The following TTC28 variants were observed in gnomAD, a reference collection of about 807,000 sequenced individuals.
TTC28 encodes the protein tetratricopeptide repeat domain 28, also known as tetratricopeptide repeat protein 28.
In TTC28, 61 loss-of-function variants were observed where a neutral mutation model predicts 198.0. That is an observed-to-expected ratio of 0.31 (90% CI 0.25 to 0.38). The LOEUF is 0.38. TTC28 is among the 10% of genes least tolerant of loss of function. The pLI, the probability that TTC28 is intolerant of heterozygous loss-of-function variation, is 1.00. For synonymous variants in TTC28, 1,171 were observed against 1,297.8 expected, an observed-to-expected ratio of 0.90 and a Z score of 2.10; for missense variants, 2,678 against 3,164.0, an observed-to-expected ratio of 0.85 and a Z score of 3.69.
At chr22:28,012,283 G>A (rs1450308230) in intron 14 of TTC28, among the ~76,000 whole-genome samples, 1 of 152,192 alleles carries the variant, frequency 6.6e-6, no homozygotes, top group Non-Finnish European at 1.5e-5. Flanking sequence ...ATTAAAAGGA[G>A]GACGCAGGAG....
At chr22:28,550,182 C>T (rs2049636677) in intron 2 of TTC28, among the ~76,000 whole-genome samples, 2 of 152,270 alleles carry the variant, frequency 1.3e-5, no homozygotes, top group Middle Eastern at 3.4e-3. Context: ...GTATTATTGA[C>T]ATTTTGCAGA....
chr22:27,990,933 C>T (rs987353807), intron 19 of TTC28, 121 bp from the exon 20 acceptor site: 11 of 993,510 alleles, frequency 1.1e-5, no homozygotes, highest in Middle Eastern at 2.1e-4. Flanking sequence ...ACCAGGCCCG[C>T]GGCTCTGACT....
At chr22:28,089,503 G>A in intron 12 of TTC28, among the ~76,000 whole-genome samples, 1 of 149,558 alleles carries the variant, frequency 6.7e-6, no homozygotes, top group Non-Finnish European at 1.5e-5. Flanking sequence ...ATCACACTCT[G>A]GGGACTGTTG....
intron 9 of TTC28, among the ~76,000 whole-genome samples, chr22:28,099,490 T>G (rs1459714368): frequency 6.6e-6 from 1 of 152,126 alleles, no homozygotes. Context: ...TCCTCGAGTG[T>G]TTTTCCAGCT....
At chr22:28,661,056 G>A (rs890743233) in intron 1 of TTC28, among the ~76,000 whole-genome samples, 2 of 151,880 alleles carry the variant, frequency 1.3e-5, no homozygotes, top group Non-Finnish European at 2.9e-5. Context: ...AGGCCGAGGT[G>A]AGCGGATCAC....
At chr22:28,294,021 G>T (rs2044840413) in intron 5 of TTC28, among the ~76,000 whole-genome samples, 1 of 152,144 alleles carries the variant, frequency 6.6e-6, no homozygotes, top group South Asian at 2.1e-4. Flanking sequence ...ATTAAGCTTA[G>T]AAAAGGAATG....
intron 2 of TTC28, among the ~76,000 whole-genome samples, chr22:28,504,647 G>C (rs2048581102): frequency 6.6e-6 from 1 of 152,156 alleles, no homozygotes; most frequent in African/African-American, 2.4e-5. Context: ...TAAATAAACT[G>C]CACAGTCTTT....
chr22:28,018,312 G>A (rs1401600986), intron 13 of TTC28, among the ~76,000 whole-genome samples: 1 of 147,100 alleles, frequency 6.8e-6, no homozygotes, highest in African/African-American at 2.5e-5. Context: ...CGCGCGGGGG[G>A]GGGGGCGGGG....
chr22:28,338,672 C>G (rs570865977), intron 2 of TTC28, among the ~76,000 whole-genome samples: 16 of 152,244 alleles, frequency 1.1e-4, no homozygotes, highest in African/African-American at 2.9e-4. Flanking sequence ...GTTCTCGTGC[C>G]GTGGTTTTCA....
At position 28,318,534 on chromosome 22, in the gene TTC28, CAG is replaced by C. The variant is rs146567184; in HGVS notation, c.382-11893_382-11892del. On this transcript the variant is annotated intron_variant, in intron 2 of 22. Coordinates refer to ENST00000397906, the MANE Select transcript of TTC28 (RefSeq NM_001145418.2). ...GAGTCACCTGCTACCATTTACTCTT[CAG>C]AGTCTTCAGAAAGCTATACTATGAA... is the stretch of plus-strand genomic sequence containing the variant. Among the ~76,000 whole-genome samples, 293 of 152,294 alleles carry C rather than the reference CAG, an allele frequency of 1.9e-3. 1 individual carries two copies. The highest frequency in any genetic ancestry group is 6.1e-3 in the African/African-American group (255 of 41,572).
At chr22:28,293,528 T>C (rs1189709207) in intron 5 of TTC28, among the ~76,000 whole-genome samples, 1 of 151,988 alleles carries the variant, frequency 6.6e-6, no homozygotes. Context: ...TTATGTAGGA[T>C]AAATAAGTTC....
rs532104367 is a variant in TTC28 at position 28,372,606 on chromosome 22, T to C, written c.382-65963A>G. Among the ~76,000 whole-genome samples the C allele has an allele frequency of 7.9e-5, 12 of 152,164 alleles. No individual in the cohort carries two copies. In the South Asian group the frequency reaches 2.3e-3, roughly 29 times the overall value. On this transcript the variant is annotated intron_variant, in intron 2 of 22. Transcript: ENST00000397906. ...CTATTTGTTCCAAGATTACGCTCTT[T>C]GTTCTACACACTGGGTAACAATAAT...
intron 6 of TTC28, among the ~76,000 whole-genome samples, chr22:28,133,174 GATCGTGCC>G (rs1943100724): frequency 6.6e-6 from 1 of 152,222 alleles, no homozygotes; most frequent in African/African-American, 2.4e-5. Context: ...CGTGAGGTGA[GATCGTGCC>G]ATTGCACTCC....
At chr22:28,189,838 T>A (rs1924562355) in intron 5 of TTC28, among the ~76,000 whole-genome samples, 1 of 152,178 alleles carries the variant, frequency 6.6e-6, no homozygotes, top group Non-Finnish European at 1.5e-5. Context: ...TACCTATATT[T>A]TGCTAAGGCA....
At chr22:28,629,527 A>G in intron 2 of TTC28, 25 bp downstream of exon 2, 1 of 1,519,992 alleles carries the variant, frequency 6.6e-7, no homozygotes, top group Non-Finnish European at 8.8e-7. Flanking sequence ...TATGAAAATA[A>G]ATCTTCATAG....
In TTC28 at chr22:28,040,839, A is replaced by G. The variant is rs189821026; in HGVS notation, c.3933-10473T>C. Among the ~76,000 whole-genome samples, 43 of 152,350 alleles carry G rather than the reference A, an allele frequency of 2.8e-4. 1 individual carries two copies. The highest frequency in any genetic ancestry group is 2.7e-3 in the Admixed American group (41 of 15,306). On this transcript the variant is annotated intron_variant, in intron 12 of 22. Transcript: ENST00000397906. ...CATGATTGTATATTTAGAAAACCCC[A>G]TCGTCTCAGCCCAAAATTTCCTTAA...
At chr22:28,404,833 A>G (rs1425765804) in intron 2 of TTC28, among the ~76,000 whole-genome samples, 2 of 152,194 alleles carry the variant, frequency 1.3e-5, no homozygotes, top group Admixed American at 1.3e-4. Context: ...AGGGCCAGAA[A>G]AGGTGGGAGA....
At chr22:28,393,294 A>G (rs1025075911) in intron 2 of TTC28, among the ~76,000 whole-genome samples, 11 of 152,160 alleles carry the variant, frequency 7.2e-5, no homozygotes, top group East Asian at 1.9e-4. Context: ...TTTCTACAGT[A>G]CCACTTAGCT....
chr22:28,430,065 A>G (rs965449790), intron 2 of TTC28, among the ~76,000 whole-genome samples: 2 of 134,810 alleles, frequency 1.5e-5, no homozygotes, highest in Admixed American at 1.6e-4. Flanking sequence ...TTTTTTAGTG[A>G]AGACTGCATT....
Sources: allele counts gnomAD v4.1 joint callset (sites outside exome capture counted in the v4.1 genomes callset), GRCh38; gene constraint gnomAD v4.1.1; transcripts MANE v1.5; gene names NCBI Gene and HGNC (gene_info 2026-07-23, HGNC 2026-07-21).